RASAL2: variants seen among roughly 807,000 people sequenced by gnomAD.
RASAL2 encodes RAS protein activator like 2, also known as ras GTPase-activating protein nGAP.
RASAL2 carries 58 observed loss-of-function variants against 128.9 expected under a neutral mutation model. That is an observed-to-expected ratio of 0.45 (90% confidence interval 0.36 to 0.56). The LOEUF (loss-of-function observed/expected upper bound fraction) is 0.56, where lower values mean the gene tolerates loss of function less well. Among genes scored for constraint, RASAL2 ranks in the 20% least tolerant of loss-of-function variants. The pLI is 0.00. For missense variants in RASAL2, 1,360 were observed against 1,601.6 expected (o/e 0.85, Z 2.57); for synonymous variants, 561 against 580.8 (o/e 0.97, Z 0.49).
At chr1:178,125,940 CCTAAGGAGCA>C (rs1189254575) in intron 1 of RASAL2, among the ~76,000 whole-genome samples, 1 of 152,118 alleles carries the variant, frequency 6.6e-6, no homozygotes, top group Non-Finnish European at 1.5e-5. Flanking sequence ...TGGACACCTA[CCTAAGGAGCA>C]AGGGCTGGTG....
chr1:178,144,680 C>A (rs997720165), intron 1 of RASAL2, among the ~76,000 whole-genome samples: 1 of 152,094 alleles, frequency 6.6e-6, no homozygotes, highest in Non-Finnish European at 1.5e-5. Flanking sequence ...CCAGTGTAAA[C>A]CATTGTTTGT....
rs578049211 is a variant in RASAL2 at position 178,356,270 on chromosome 1, C to T, written c.458-33830C>T. Among the ~76,000 whole-genome samples, 4 of 151,652 alleles carry T rather than the reference C, an allele frequency of 2.6e-5. No individual in the cohort carries two copies. In the South Asian group the frequency reaches 8.4e-4, roughly 32 times the overall value. On this transcript the variant is annotated intron_variant, in intron 3 of 17. Coordinates refer to ENST00000367649, the MANE Select transcript of RASAL2 (RefSeq NM_170692.4). Reference sequence around the variant, plus strand: ...TACTAAAGTTGTCAAGCATATAGAGCAATGGGAACTCCTACATTGCTAGTG... The same window carrying T: ...TACTAAAGTTGTCAAGCATATAGAGTAATGGGAACTCCTACATTGCTAGTG...
intron 1 of RASAL2, among the ~76,000 whole-genome samples, chr1:178,200,798 C>A (rs566579297): frequency 1.1e-3 from 160 of 152,206 alleles, no homozygotes; most frequent in Middle Eastern, 3.2e-3. Flanking sequence ...CTTGTAAACT[C>A]TGATGAACCC....
In RASAL2 at chr1:178,457,851, C is replaced by T. The variant is rs1285847914; in HGVS notation, c.2559C>T (p.Leu853=). ...PNGRSVSLMD[L]QDTHAAQVEH... ...GTCGGAGCGTCTCCCTCATGGACCT[C>T]CAGGACACTCATGCTGCTCAAGTGG... is the stretch of plus-strand genomic sequence containing the variant. Residue 853 remains leucine, a synonymous_variant, in exon 14 of 18, where the codon CTC becomes CTT. Coordinates refer to ENST00000367649, the MANE Select transcript of RASAL2 (RefSeq NM_170692.4). 2.5e-6 allele frequency: 4 copies of T among 1,614,064 alleles called. No individual in the cohort carries two copies. The highest frequency in any genetic ancestry group is 3.4e-6 in the Non-Finnish European group (4 of 1,180,034).
In RASAL2 at chr1:178,149,185, C is replaced by A. The variant is rs144323222; in HGVS notation, c.202+54491C>A. Among the ~76,000 whole-genome samples, 183 of 152,116 alleles carry A rather than the reference C, an allele frequency of 1.2e-3. 2 individuals carry two copies. In the East Asian group the frequency reaches 0.021, roughly 18 times the overall value. ...GGGTATTAATGATATGAAAATTAAG[C>A]CTTTTAGAGATTCTAAACTTACAGA... is the stretch of plus-strand genomic sequence containing the variant. On this transcript the variant is annotated intron_variant, in intron 1 of 17. Transcript: ENST00000367649.
chr1:178,182,093 AT>A (rs1203721179), intron 1 of RASAL2, among the ~76,000 whole-genome samples: 1 of 152,124 alleles, frequency 6.6e-6, no homozygotes, highest in African/African-American at 2.4e-5. Flanking sequence ...TTCTGCACAG[AT>A]TTGTCCACCC....
intron 1 of RASAL2, among the ~76,000 whole-genome samples, chr1:178,095,662 C>T (rs1270110911): frequency 3.3e-5 from 5 of 152,170 alleles, no homozygotes; most frequent in Non-Finnish European, 7.3e-5. Context: ...TTTCTTTCAT[C>T]TTTCTGAACA....
chr1:178,332,675 G>C (rs1332457277), intron 3 of RASAL2, among the ~76,000 whole-genome samples: 1 of 147,992 alleles, frequency 6.8e-6, no homozygotes, highest in Non-Finnish European at 1.5e-5. Context: ...GCGGTGGCGC[G>C]ATCTTGGCTC....
At chr1:178,439,944 C>A (rs1420357651) in intron 6 of RASAL2, among the ~76,000 whole-genome samples, 1 of 150,584 alleles carries the variant, frequency 6.6e-6, no homozygotes, top group Admixed American at 6.6e-5. Flanking sequence ...GGTTCAAGAT[C>A]TGAGACCATG....
At chr1:178,139,984 A>G (rs888231086) in intron 1 of RASAL2, among the ~76,000 whole-genome samples, 1 of 152,088 alleles carries the variant, frequency 6.6e-6, no homozygotes, top group African/African-American at 2.4e-5. Flanking sequence ...TCTTTCCTCT[A>G]CTTTTTAATG....
intron 4 of RASAL2, among the ~76,000 whole-genome samples, chr1:178,406,065 A>G (rs920965459): frequency 6.6e-6 from 1 of 152,168 alleles, no homozygotes; most frequent in African/African-American, 2.4e-5. Flanking sequence ...AAAAGTTGCC[A>G]TGTCGTCTTG....
chr1:178,417,758 TAAAAAA>T (rs35109719), intron 4 of RASAL2, among the ~76,000 whole-genome samples: 1 of 67,868 alleles, frequency 1.5e-5, no homozygotes, highest in African/African-American at 4.8e-5. Flanking sequence ...AAACTCCGTC[TAAAAAA>T]AAAAAAAAAA....
At chr1:178,258,903 A>C (rs1001451543) in intron 1 of RASAL2, among the ~76,000 whole-genome samples, 12 of 152,156 alleles carry the variant, frequency 7.9e-5, no homozygotes, top group Non-Finnish European at 1.8e-4. Flanking sequence ...TAGTATATCT[A>C]TACAATAGAA....
chr1:178,388,528 C>A (rs980457418), intron 3 of RASAL2, among the ~76,000 whole-genome samples: 29 of 152,182 alleles, frequency 1.9e-4, no homozygotes, highest in Non-Finnish European at 7.3e-5. Context: ...ATGGAACTCT[C>A]TTGTACTGCA....
chr1:178,195,538 G>A (rs1159047280), intron 1 of RASAL2, among the ~76,000 whole-genome samples: 1 of 152,050 alleles, frequency 6.6e-6, no homozygotes, highest in Non-Finnish European at 1.5e-5. Context: ...TGAAGAAAAA[G>A]CTTCACTTTC....
intron 14 of RASAL2, among the ~76,000 whole-genome samples, chr1:178,461,898 T>A (rs1025003840): frequency 6.6e-6 from 1 of 152,246 alleles, no homozygotes; most frequent in African/African-American, 2.4e-5. Context: ...GGCCTCAGCA[T>A]AGCCAGGCTA....
intron 1 of RASAL2, among the ~76,000 whole-genome samples, chr1:178,106,729 A>G (rs1659104266): frequency 6.6e-6 from 1 of 152,232 alleles, no homozygotes; most frequent in Admixed American, 6.5e-5. Flanking sequence ...AAGATACCCC[A>G]GATACAGTCG....
intron 3 of RASAL2, among the ~76,000 whole-genome samples, chr1:178,381,092 G>T (rs978831491): frequency 6.6e-6 from 1 of 152,196 alleles, no homozygotes; most frequent in Non-Finnish European, 1.5e-5. Flanking sequence ...GAGATCATCT[G>T]ACTGAGGCAA....
In RASAL2 at chr1:178,458,163, T is replaced by G; in HGVS notation, c.2871T>G (p.Ser957Arg). ...GCACTGCCAGTTCCAGAAGCCAAAG[T>G]AACAGTGAAGACTTCAAGCTCAGTG... ...NLSTASSRSQ[S>R]NSEDFKLSGP... Residue 957 changes from serine (S) to arginine (R), a missense_variant, in exon 14 of 18, where the codon AGT becomes AGG. This residue lies in a region of RASAL2 where 741 missense variants were observed against 868.6 expected (regional missense o/e 0.85). Coordinates refer to ENST00000367649, the MANE Select transcript of RASAL2 (RefSeq NM_170692.4). The G allele has an allele frequency of 6.2e-7, 1 of 1,614,134 alleles. No individual in the cohort carries two copies. Among genetic ancestry groups the G allele is most frequent in the Non-Finnish European group, 8.5e-7 (1 of 1,180,028 alleles).
Sources: gnomAD v4.1 joint callset for allele counts (sites outside exome capture counted in the v4.1 genomes callset) on GRCh38, gnomAD v4.1.1 for gene constraint, gnomAD v4.1.1 regional missense constraint, MANE v1.5 for transcripts, NCBI Gene and HGNC (gene_info 2026-07-23, HGNC 2026-07-21) for gene names.